KIAA1549L: variants seen among roughly 807,000 people sequenced by gnomAD.
KIAA1549L encodes UPF0606 protein KIAA1549L.
KIAA1549L carries 88 observed loss-of-function variants against 160.7 expected under a neutral mutation model. The ratio of observed to expected loss-of-function variants is 0.55; its 90% confidence interval spans 0.46 to 0.65. The LOEUF (loss-of-function observed/expected upper bound fraction) is 0.65, where lower values mean the gene tolerates loss of function less well. KIAA1549L is among the 30% of genes least tolerant of loss of function. The probability of loss-of-function intolerance (pLI) is 0.00; values close to 1 mark genes in which losing one functional copy is unlikely to be tolerated. For missense variants in KIAA1549L, 2,258 were observed against 2,437.5 expected (o/e 0.93, Z 1.55); for synonymous variants, 950 against 976.7 (o/e 0.97, Z 0.51).
chr11:33,596,876 A>G (rs1370971152), intron 12 of KIAA1549L, among the ~76,000 whole-genome samples: 1 of 152,192 alleles, frequency 6.6e-6, no homozygotes, highest in African/African-American at 2.4e-5. Context: ...GCCATTCACC[A>G]GAAGAGTCCA....
At chr11:33,663,337 G>A (rs898031606) in intron 20 of KIAA1549L, among the ~76,000 whole-genome samples, 2 of 152,200 alleles carry the variant, frequency 1.3e-5, no homozygotes, top group Admixed American at 6.5e-5. Context: ...AGTTGGTGAT[G>A]TCTGCCATGG....
chr11:33,567,866 G>A (rs1855102255), intron 8 of KIAA1549L, among the ~76,000 whole-genome samples: 1 of 152,230 alleles, frequency 6.6e-6, no homozygotes, highest in African/African-American at 2.4e-5. Flanking sequence ...CCTCAGACAA[G>A]TCACTTAATC....
intron 1 of KIAA1549L, among the ~76,000 whole-genome samples, chr11:33,440,120 CTTT>C (rs201551936): frequency 7.8e-4 from 65 of 83,358 alleles, no homozygotes; most frequent in Non-Finnish European, 1.4e-3. Flanking sequence ...TATTTTGTTT[CTTT>C]TTTTTTTTTT....
chr11:33,384,092 G>C (rs1850126098), intron 1 of KIAA1549L, among the ~76,000 whole-genome samples: 1 of 152,102 alleles, frequency 6.6e-6, no homozygotes, highest in Non-Finnish European at 1.5e-5. Context: ...GAACATTTCT[G>C]TCACCTCAAA....
chr11:33,444,349 GATAT>G (rs911436676), intron 1 of KIAA1549L, among the ~76,000 whole-genome samples: 36 of 152,288 alleles, frequency 2.4e-4, no homozygotes, highest in Admixed American at 2.2e-3. Flanking sequence ...AATAGAGATA[GATAT>G]GCTCTTATAG....
chr11:33,522,396 A>G (rs1234129809), intron 1 of KIAA1549L, among the ~76,000 whole-genome samples: 1 of 152,212 alleles, frequency 6.6e-6, no homozygotes. Flanking sequence ...CGTTATTAAT[A>G]TTGACAACAT....
chr11:33,506,368 A>G (rs928243554), intron 1 of KIAA1549L, among the ~76,000 whole-genome samples: 7 of 152,180 alleles, frequency 4.6e-5, no homozygotes, highest in Non-Finnish European at 7.3e-5. Flanking sequence ...TTAGAAAACC[A>G]TCTGATATTC....
intron 1 of KIAA1549L, among the ~76,000 whole-genome samples, chr11:33,510,087 G>A (rs760888530): frequency 6.6e-6 from 1 of 152,176 alleles, no homozygotes; most frequent in Non-Finnish European, 1.5e-5. Context: ...CTTCATTAGT[G>A]TGTGGCATGG....
At chr11:33,536,457 C>T (rs1273524801) in intron 1 of KIAA1549L, among the ~76,000 whole-genome samples, 1 of 152,196 alleles carries the variant, frequency 6.6e-6, no homozygotes, top group Non-Finnish European at 1.5e-5. Context: ...CAGGCATAGC[C>T]TCTCCACGTG....
chr11:33,624,582 AAACTT>A (rs1010916344), intron 16 of KIAA1549L, among the ~76,000 whole-genome samples: 7 of 152,200 alleles, frequency 4.6e-5, no homozygotes, highest in South Asian at 2.1e-4. Context: ...AAAGGAAAAA[AAACTT>A]AAATAAAGCC....
At chr11:33,425,757 T>C (rs1015416774) in intron 1 of KIAA1549L, among the ~76,000 whole-genome samples, 5 of 152,324 alleles carry the variant, frequency 3.3e-5, no homozygotes, top group East Asian at 1.9e-4. Context: ...AACACTACTT[T>C]AGCCAAATAA....
At chr11:33,571,485 T>G (rs958052187) in intron 9 of KIAA1549L, among the ~76,000 whole-genome samples, 11 of 152,190 alleles carry the variant, frequency 7.2e-5, no homozygotes, top group African/African-American at 2.7e-4. Flanking sequence ...GGCTCATGGT[T>G]CTGCAGGCTG....
rs780545072 is a variant in KIAA1549L at position 33,653,970 on chromosome 11, AATTATT to A, written c.5761-2029_5761-2024del. Among the ~76,000 whole-genome samples, 143 of 130,896 alleles carry A rather than the reference AATTATT, an allele frequency of 1.1e-3. 1 individual carries two copies. Among genetic ancestry groups the A allele is most frequent in the African/African-American group, 3.8e-3 (125 of 33,056 alleles). 85.9% of individuals were successfully genotyped at this position (130,896 alleles called of 152,430 possible). On this transcript the variant is annotated intron_variant, in intron 17 of 20. Coordinates refer to ENST00000658780, the MANE Select transcript of KIAA1549L (RefSeq NM_012194.3). The stretch of plus-strand genomic sequence containing the variant: ...CATTTCTAATAGTATCTGTCTGGTC[AATTATT>A]ATTATTATTATTTTTAGACGGAGTC...
chr11:33,393,973 C>G (rs757302219), intron 1 of KIAA1549L, among the ~76,000 whole-genome samples: 20 of 152,128 alleles, frequency 1.3e-4, no homozygotes, highest in Non-Finnish European at 1.6e-4. Flanking sequence ...CCTTTTTGAC[C>G]ATTCTGCCTA....
At chr11:33,484,382 G>T (rs943681403) in intron 1 of KIAA1549L, among the ~76,000 whole-genome samples, 1 of 152,154 alleles carries the variant, frequency 6.6e-6, no homozygotes, top group Non-Finnish European at 1.5e-5. Context: ...GTATGGATCT[G>T]CATTCTTCAA....
chr11:33,471,415 A>G (rs1201787366), intron 1 of KIAA1549L, among the ~76,000 whole-genome samples: 1 of 152,122 alleles, frequency 6.6e-6, no homozygotes, highest in Non-Finnish European at 1.5e-5. Context: ...CTTTATGAAG[A>G]TTAAGGGGTC....
intron 5 of KIAA1549L, among the ~76,000 whole-genome samples, chr11:33,551,525 A>G (rs1448729029): frequency 2.0e-5 from 3 of 152,054 alleles, no homozygotes; most frequent in African/African-American, 2.4e-5. Flanking sequence ...TCCAGGTACT[A>G]TATTTTATAT....
chr11:33,379,950 G>C (rs2134029473), intron 1 of KIAA1549L, among the ~76,000 whole-genome samples: 1 of 152,358 alleles, frequency 6.6e-6, no homozygotes, highest in Middle Eastern at 3.4e-3. Flanking sequence ...GGGCGATCAA[G>C]GCCCTTGCCC....
At chr11:33,405,878 A>G (rs1162745152) in intron 1 of KIAA1549L, among the ~76,000 whole-genome samples, 1 of 146,720 alleles carries the variant, frequency 6.8e-6, no homozygotes, top group African/African-American at 2.5e-5. Flanking sequence ...AAGCTCTACT[A>G]GGAATAGTGT....
Sources: allele counts gnomAD v4.1 joint callset (sites outside exome capture counted in the v4.1 genomes callset), GRCh38; gene constraint gnomAD v4.1.1; transcripts MANE v1.5; gene names NCBI Gene and HGNC (gene_info 2026-07-23, HGNC 2026-07-21).